Variants in BNIP3L observed in about 807,000 individuals in gnomAD.
The protein encoded by BNIP3L is BCL2 interacting protein 3 like.
In BNIP3L, 10 loss-of-function variants were observed where a neutral mutation model predicts 25.5. That is an observed-to-expected ratio of 0.39 (90% CI 0.24 to 0.67). BNIP3L has a LOEUF of 0.67. Among genes scored for constraint, BNIP3L ranks in the 30% least tolerant of loss-of-function variants. BNIP3L has a pLI of 0.45. For synonymous variants in BNIP3L, 113 were observed against 101.2 expected (o/e 1.12, Z -0.70); for missense variants, 215 against 270.9 (o/e 0.79, Z 1.45).
At chr8:26,384,858 A>G (rs1805955207) in intron 1 of BNIP3L, among the ~76,000 whole-genome samples, 1 of 149,204 alleles carries the variant, frequency 6.7e-6, no homozygotes, top group African/African-American at 2.5e-5. Flanking sequence ...CCACCCGCCC[A>G]GCTAATTTTT....
At chr8:26,383,910 TA>T (rs1479796772) in intron 1 of BNIP3L, among the ~76,000 whole-genome samples, 16 of 138,216 alleles carry the variant, frequency 1.2e-4, no homozygotes, top group African/African-American at 4.1e-4. Context: ...TTTTTTTTTT[TA>T]AAGCGATGGG....
chr8:26,394,517 C>T (rs998768795), intron 2 of BNIP3L, among the ~76,000 whole-genome samples: 43 of 152,122 alleles, frequency 2.8e-4, no homozygotes, highest in African/African-American at 8.9e-4. Context: ...AAAAATAATA[C>T]ATTTTAACAT....
intron 3 of BNIP3L, chr8:26,395,703 T>A (rs1000393466): frequency 2.0e-5 from 4 of 196,240 alleles, no homozygotes; most frequent in Non-Finnish European, 4.2e-5. Context: ...TGCATTTCCA[T>A]CTGAGGTACC....
intron 2 of BNIP3L, among the ~76,000 whole-genome samples, chr8:26,392,512 CT>C (rs1806136400): frequency 6.6e-6 from 1 of 152,144 alleles, no homozygotes; most frequent in African/African-American, 2.4e-5. Flanking sequence ...TTATGATCCA[CT>C]AATGTTGCCA....
Position 26,395,249 on chromosome 8 carries a change from G to A in BNIP3L, c.304G>A (p.Gly102Arg). The A allele has an allele frequency of 6.2e-7, 1 of 1,614,028 alleles. No individual in the cohort carries two copies. The highest frequency in any genetic ancestry group is 1.7e-4 in the Middle Eastern group (1 of 6,060). ...HCDSPSPQED[G>R]QIMFDVEMHT... ...TTCTAGCCCTTCGCCACAAGAAGAT[G>A]GGCAGATCATGTTTGATGTGGAAAT... The change falls in exon 3 of 6, where the codon GGG becomes AGG. Residue 102 changes from glycine (G) to arginine (R), a missense_variant. Transcript: ENST00000380629.
chr8:26,403,753 C>T (rs1224516389), intron 3 of BNIP3L, among the ~76,000 whole-genome samples: 3 of 151,900 alleles, frequency 2.0e-5, no homozygotes, highest in Non-Finnish European at 4.4e-5. Flanking sequence ...TTGCCCAGGC[C>T]GTTTTCAAAC....
chr8:26,394,527 T>C (rs1312357034), intron 2 of BNIP3L, among the ~76,000 whole-genome samples: 1 of 152,162 alleles, frequency 6.6e-6, no homozygotes, highest in Non-Finnish European at 1.5e-5. Context: ...CATTTTAACA[T>C]AAGTAGCATT....
chr8:26,404,810 A>T (rs1262217472), intron 3 of BNIP3L, among the ~76,000 whole-genome samples: 2 of 152,232 alleles, frequency 1.3e-5, no homozygotes, highest in Non-Finnish European at 2.9e-5. Flanking sequence ...GCCCAGCCAG[A>T]ATCTTCTTTG....
At chr8:26,394,737 G>A (rs1053002673) in intron 2 of BNIP3L, among the ~76,000 whole-genome samples, 2 of 152,140 alleles carry the variant, frequency 1.3e-5, no homozygotes, top group African/African-American at 4.8e-5. Flanking sequence ...GAATGAGAAT[G>A]AAAAAGGCAA....
intron 2 of BNIP3L, among the ~76,000 whole-genome samples, chr8:26,392,321 G>A (rs1585432281): frequency 6.6e-6 from 1 of 151,980 alleles, no homozygotes; most frequent in Non-Finnish European, 1.5e-5. Flanking sequence ...AAATGCAAAT[G>A]CACGGGAAGC....
intron 5 of BNIP3L, among the ~76,000 whole-genome samples, chr8:26,410,135 G>A (rs921456017): frequency 1.1e-4 from 17 of 151,988 alleles, no homozygotes; most frequent in Non-Finnish European, 1.5e-4. Context: ...CTTTGCTGTC[G>A]AGCCCCGATA....
intron 3 of BNIP3L, among the ~76,000 whole-genome samples, chr8:26,403,015 A>G (rs945232975): frequency 4.6e-5 from 7 of 152,316 alleles, no homozygotes; most frequent in Admixed American, 2.0e-4. Context: ...AATTTTTGAA[A>G]TTCAGGAAAG....
In BNIP3L at chr8:26,391,438, C is replaced by T; in HGVS notation, c.284+12C>T. The T allele has an allele frequency of 1.3e-6, 2 of 1,510,136 alleles. No individual in the cohort carries two copies. The highest frequency in any genetic ancestry group is 1.3e-5 in the South Asian group (1 of 75,508). 93.5% of individuals were successfully genotyped at this position (1,510,136 alleles called of 1,614,324 possible). ...TCTCACTGTGACAGGTAAGTGAGAC[C>T]CATGTTTTGGTGGAATTCAGGAAAC... On this transcript the variant is annotated intron_variant, in intron 2 of 5. Coordinates refer to ENST00000380629, the MANE Select transcript of BNIP3L (RefSeq NM_004331.3).
chr8:26,406,000 G>A (rs1179009778), intron 3 of BNIP3L, among the ~76,000 whole-genome samples: 3 of 152,176 alleles, frequency 2.0e-5, no homozygotes, highest in Non-Finnish European at 2.9e-5. Flanking sequence ...CCAAGGTCGC[G>A]CCACTGCACT....
rs1163696436 is a variant in BNIP3L at position 26,383,091 on chromosome 8, A to G, written c.-40A>G. The G allele has an allele frequency of 5.2e-6, 8 of 1,529,722 alleles. No homozygotes were observed. The highest frequency in any genetic ancestry group is 2.7e-5 in the African/African-American group (2 of 73,064). The allele number at this position is 1,529,722 out of a possible 1,614,324, so 94.8% of individuals were successfully genotyped here. A position where few individuals can be genotyped will look rare whatever the true frequency, so the allele number is the denominator to read the frequency against. Reference sequence around the variant, plus strand: ...TTGTGTTGCTGCCTGAGTGCCGGAGACGGTCCTGCTGCTGCCGCAGTCCTG... The same window carrying G: ...TTGTGTTGCTGCCTGAGTGCCGGAGGCGGTCCTGCTGCTGCCGCAGTCCTG... On this transcript the variant is annotated 5_prime_UTR_variant, in exon 1 of 6. Transcript: ENST00000380629.
At chr8:26,386,833 T>C (rs1199660790) in intron 1 of BNIP3L, among the ~76,000 whole-genome samples, 2 of 152,190 alleles carry the variant, frequency 1.3e-5, no homozygotes, top group Non-Finnish European at 2.9e-5. Context: ...AATACCTACG[T>C]AACTTGTATG....
chr8:26,410,361 C>A lies in BNIP3L; in HGVS notation c.612-3C>A. 6.2e-7 allele frequency: 1 copy of A among 1,614,050 alleles called. No homozygotes were observed. Among genetic ancestry groups the A allele is most frequent in the Non-Finnish European group, 8.5e-7 (1 of 1,179,962 alleles). ...GAAACATGATGCTTCTGCTTCCTTT[C>A]AGCATCTATATTGGAAAGCGACTGA... is the stretch of plus-strand genomic sequence containing the variant. On this transcript the variant is annotated splice_region_variant and splice_polypyrimidine_tract_variant and intron_variant, in intron 5 of 5. Transcript: ENST00000380629.
At chr8:26,387,062 G>A (rs1167973217) in intron 1 of BNIP3L, among the ~76,000 whole-genome samples, 2 of 152,034 alleles carry the variant, frequency 1.3e-5, no homozygotes, top group Non-Finnish European at 2.9e-5. Context: ...GAAAAGTTAG[G>A]GGGAAAGATG....
At chr8:26,387,245 A>G (rs568981407) in intron 1 of BNIP3L, among the ~76,000 whole-genome samples, 46 of 152,342 alleles carry the variant, frequency 3.0e-4, no homozygotes, top group Non-Finnish European at 4.6e-4. Flanking sequence ...TAGAGAACGG[A>G]GAAGCATTCA....
Sources: allele counts gnomAD v4.1 joint callset (sites outside exome capture counted in the v4.1 genomes callset), GRCh38; gene constraint gnomAD v4.1.1; transcripts MANE v1.5; gene names NCBI Gene and HGNC (gene_info 2026-07-23, HGNC 2026-07-21).